COL19A1: variants seen among roughly 807,000 people sequenced by gnomAD.
The protein encoded by COL19A1 is collagen type XIX alpha 1 chain.
COL19A1 carries 159 observed loss-of-function variants against 190.2 expected under a neutral mutation model. That is an observed-to-expected ratio of 0.84 (90% CI 0.73 to 0.95). The LOEUF (loss-of-function observed/expected upper bound fraction) is 0.95, where lower values mean the gene tolerates loss of function less well. Ranked by LOEUF, COL19A1 falls within the 40% of genes least tolerant of loss-of-function variation. The pLI is 0.00. For missense variants in COL19A1, 1,418 were observed against 1,431.9 expected, an observed-to-expected ratio of 0.99 and a Z score of 0.16; for synonymous variants, 509 against 458.9, an observed-to-expected ratio of 1.11 and a Z score of -1.39.
chr6:70,100,752 A>G (rs993666929), intron 15 of COL19A1, among the ~76,000 whole-genome samples: 11 of 152,188 alleles, frequency 7.2e-5, no homozygotes, highest in Middle Eastern at 3.4e-3. Flanking sequence ...TGCTGGGATT[A>G]CAGTTGTGAG....
At chr6:70,020,468 G>A (rs1372257323) in intron 11 of COL19A1, among the ~76,000 whole-genome samples, 1 of 151,702 alleles carries the variant, frequency 6.6e-6, no homozygotes, top group African/African-American at 2.4e-5. Flanking sequence ...TTTTAAGTTG[G>A]TTTTCTAATC....
chr6:70,089,054 T>C (rs1348772500), intron 15 of COL19A1, among the ~76,000 whole-genome samples: 1 of 152,148 alleles, frequency 6.6e-6, no homozygotes, highest in Non-Finnish European at 1.5e-5. Flanking sequence ...TTGAATCCCA[T>C]AGACAAGTGA....
chr6:70,101,105 A>T (rs1783602757), intron 15 of COL19A1, among the ~76,000 whole-genome samples: 1 of 152,114 alleles, frequency 6.6e-6, no homozygotes, highest in Non-Finnish European at 1.5e-5. Context: ...TACACTTATA[A>T]TTCTCCCCCA....
At chr6:69,880,404 C>T (rs1381166612) in intron 2 of COL19A1, among the ~76,000 whole-genome samples, 2 of 152,124 alleles carry the variant, frequency 1.3e-5, no homozygotes, top group African/African-American at 4.8e-5. Context: ...AGAGAAACTT[C>T]ATCTCTCCTA....
chr6:70,117,912 C>A (rs557288871), intron 16 of COL19A1, among the ~76,000 whole-genome samples: 15 of 152,314 alleles, frequency 9.8e-5, no homozygotes, highest in African/African-American at 3.4e-4. Context: ...CCTAGCAGAG[C>A]TCCTAAGAGC....
At position 69,986,474 on chromosome 6, in the gene COL19A1, TCATTCCTGATCCC is replaced by T. The variant is rs1490593160; in HGVS notation, c.1026+23606_1026+23618del. 2.6e-5 allele frequency among the ~76,000 whole-genome samples: 4 copies of T among 152,108 alleles called. No homozygotes were observed. The East Asian group carries it at 7.7e-4, about 29-fold the overall frequency. On this transcript the variant is annotated intron_variant, in intron 11 of 50. Coordinates refer to ENST00000620364, the MANE Select transcript of COL19A1 (RefSeq NM_001858.6). ...TGCTTAAAATGCCTGTTTCTGAGCC[TCATTCCTGATCCC>T]CTGGATCAGAAGTCTAGGCATGTGC...
At chr6:69,959,224 A>C (rs1475515717) in intron 9 of COL19A1, among the ~76,000 whole-genome samples, 1 of 152,258 alleles carries the variant, frequency 6.6e-6, no homozygotes, top group Non-Finnish European at 1.5e-5. Flanking sequence ...TACCCAAGAC[A>C]GAAACCAGAT....
rs997060346 is a variant in COL19A1, at chr6:70,208,541, C to T, written c.*1267C>T. The T allele has an allele frequency of 5.3e-5, 8 of 152,292 alleles. No individual in the cohort carries two copies. The highest frequency in any genetic ancestry group is 1.4e-4 in the African/African-American group (6 of 41,434). 9.4% of individuals were successfully genotyped at this position (152,292 alleles called of 1,614,324 possible). A position where few individuals can be genotyped will look rare whatever the true frequency, so the allele number is the denominator to read the frequency against. On this transcript the variant is annotated 3_prime_UTR_variant, in exon 51 of 51. Transcript: ENST00000620364. ...ACAGTCTTTCTGTTGGTTAGCTGTA[C>T]ATTCATTGAGGAACTGTTGATTGGC...
intron 11 of COL19A1, among the ~76,000 whole-genome samples, chr6:70,018,169 T>C (rs1182578745): frequency 6.6e-6 from 1 of 152,092 alleles, no homozygotes; most frequent in East Asian, 1.9e-4. Context: ...GTTGAAAGAT[T>C]ACCATTAAAC....
chr6:69,973,631 AAC>A (rs869309855), intron 11 of COL19A1, among the ~76,000 whole-genome samples: 1 of 101,962 alleles, frequency 9.8e-6, no homozygotes, highest in Non-Finnish European at 2.3e-5. Context: ...AATTAAGAAA[AAC>A]AGAATAGATT....
rs188003938 is a variant in COL19A1 at position 70,119,917 on chromosome 6, C to T, written c.1279-1963C>T. 3.2e-3 allele frequency among the ~76,000 whole-genome samples: 491 copies of T among 152,238 alleles called. 3 individuals carry two copies. The highest frequency in any genetic ancestry group is 0.011 in the African/African-American group (454 of 41,536). The stretch of plus-strand genomic sequence containing the variant: ...ACCAGCCTGGCCAACATGGCGAAAC[C>T]CTACCTCTACTAAAAATACAAAAAT... On this transcript the variant is annotated intron_variant, in intron 16 of 50. Coordinates refer to ENST00000620364, the MANE Select transcript of COL19A1 (RefSeq NM_001858.6).
intron 17 of COL19A1, among the ~76,000 whole-genome samples, chr6:70,128,620 T>C (rs886137706): frequency 4.8e-4 from 73 of 152,196 alleles, no homozygotes; most frequent in Non-Finnish European, 2.1e-4. Context: ...ACATAAGTGG[T>C]GTCAAATAAA....
At chr6:70,048,688 T>C (rs899287058) in intron 14 of COL19A1, among the ~76,000 whole-genome samples, 11 of 152,128 alleles carry the variant, frequency 7.2e-5, no homozygotes, top group Non-Finnish European at 8.8e-5. Flanking sequence ...TTTAAAGTTA[T>C]TTACTTTTGG....
chr6:69,872,008 G>A (rs969739477), intron 1 of COL19A1, among the ~76,000 whole-genome samples: 2 of 151,932 alleles, frequency 1.3e-5, no homozygotes, highest in Non-Finnish European at 2.9e-5. Context: ...GTAGAGACGG[G>A]TTTTCACCAT....
chr6:70,025,286 T>C (rs529970255), intron 12 of COL19A1, among the ~76,000 whole-genome samples: 55 of 152,298 alleles, frequency 3.6e-4, no homozygotes, highest in African/African-American at 1.2e-3. Flanking sequence ...CGCGTCGGCC[T>C]CCCAAAGTGC....
intron 35 of COL19A1, among the ~76,000 whole-genome samples, chr6:70,163,124 C>T (rs1012362565): frequency 4.6e-5 from 7 of 152,042 alleles, no homozygotes; most frequent in African/African-American, 7.2e-5. Context: ...ATGTGGTTGA[C>T]GAAGGTGAAA....
chr6:69,892,453 A>G (rs1048713407), intron 2 of COL19A1, among the ~76,000 whole-genome samples: 2 of 152,232 alleles, frequency 1.3e-5, no homozygotes, highest in Non-Finnish European at 2.9e-5. Flanking sequence ...AAAACAAATC[A>G]TCATAGGACT....
At chr6:69,920,919 T>G (rs955012119) in intron 4 of COL19A1, among the ~76,000 whole-genome samples, 1 of 127,214 alleles carries the variant, frequency 7.9e-6, no homozygotes, top group Non-Finnish European at 1.7e-5. Flanking sequence ...CATCTATATA[T>G]TCATATGTAT....
chr6:69,932,756 T>A, intron 6 of COL19A1, 27 bp from the exon 7 acceptor site: 3 of 1,400,102 alleles, frequency 2.1e-6, no homozygotes, highest in Non-Finnish European at 3.0e-6. Flanking sequence ...AAACTAAAGA[T>A]GTTTCTTATT....
Sources: gnomAD v4.1 joint callset for allele counts (sites outside exome capture counted in the v4.1 genomes callset) on GRCh38, gnomAD v4.1.1 for gene constraint, MANE v1.5 for transcripts, NCBI Gene and HGNC (gene_info 2026-07-23, HGNC 2026-07-21) for gene names.